The following GPC5 variants were observed in gnomAD, a reference collection of about 807,000 sequenced individuals.
GPC5 encodes the protein glypican 5.
Under a neutral mutation model 53.9 loss-of-function variants are expected in GPC5, and 47 were observed. The observed-to-expected ratio is 0.87, with a 90% CI of 0.69 to 1.11. The LOEUF is 1.11. Among genes scored for constraint, GPC5 ranks in the 50% most tolerant of loss-of-function variants. The pLI is 0.00. For synonymous variants in GPC5, 286 were observed against 263.3 expected, an observed-to-expected ratio of 1.09 and a Z score of -0.84; for missense variants, 748 against 713.1, an observed-to-expected ratio of 1.05 and a Z score of -0.56.
At chr13:92,753,711 A>T (rs1032114018) in intron 7 of GPC5, among the ~76,000 whole-genome samples, 6 of 152,216 alleles carry the variant, frequency 3.9e-5, no homozygotes, top group African/African-American at 1.4e-4. Context: ...GATGCGATCA[A>T]CTGGAAGAAA....
chr13:92,503,426 T>A (rs1440117818), intron 7 of GPC5, among the ~76,000 whole-genome samples: 1 of 151,734 alleles, frequency 6.6e-6, no homozygotes, highest in Admixed American at 6.6e-5. Flanking sequence ...TAGCAGTTAA[T>A]GCTTACACAA....
In GPC5 at chr13:91,548,370, C is replaced by T. The variant is rs183681916; in HGVS notation, c.325+99448C>T. Among the ~76,000 whole-genome samples, 26 of 152,166 alleles carry T rather than the reference C, an allele frequency of 1.7e-4. No individual in the cohort carries two copies. In the East Asian group the frequency reaches 3.9e-3, roughly 23 times the overall value. On this transcript the variant is annotated intron_variant, in intron 2 of 7. Transcript: ENST00000377067. ...AAAAGCACAATACCATTTAAATCAG[C>T]ACCAAAAGTGAAATACTTAGATAAA...
At chr13:91,817,192 T>G (rs1008561685) in intron 5 of GPC5, among the ~76,000 whole-genome samples, 1 of 152,186 alleles carries the variant, frequency 6.6e-6, no homozygotes, top group African/African-American at 2.4e-5. Context: ...TCTTGACATA[T>G]TGTTCTATCT....
intron 7 of GPC5, among the ~76,000 whole-genome samples, chr13:92,744,555 CAG>C (rs552285675): frequency 1.2e-4 from 18 of 149,438 alleles, no homozygotes; most frequent in Admixed American, 3.3e-4. Context: ...ACAAAGGTAT[CAG>C]GAGCACACAG....
At chr13:92,402,077 A>G (rs772930303) in intron 7 of GPC5, among the ~76,000 whole-genome samples, 1 of 152,142 alleles carries the variant, frequency 6.6e-6, no homozygotes, top group African/African-American at 2.4e-5. Context: ...TCCCGGAAAA[A>G]GGAATTACAC....
chr13:91,844,869 G>A (rs112352701), intron 5 of GPC5, among the ~76,000 whole-genome samples: 4,408 of 152,000 alleles, frequency 0.029, 193 homozygotes, highest in African/African-American at 0.095. Flanking sequence ...GGGATTACAG[G>A]TGCCCGCCAC....
At chr13:92,642,739 A>G (rs559122323) in intron 7 of GPC5, among the ~76,000 whole-genome samples, 1 of 152,294 alleles carries the variant, frequency 6.6e-6, no homozygotes, top group East Asian at 1.9e-4. Flanking sequence ...TGGGAGAAAT[A>G]TGTTATTGTT....
intron 7 of GPC5, among the ~76,000 whole-genome samples, chr13:92,462,864 G>A (rs914514313): frequency 6.6e-6 from 1 of 151,936 alleles, no homozygotes; most frequent in African/African-American, 2.4e-5. Flanking sequence ...TTACAGGCAT[G>A]TGCCACCACA....
chr13:91,956,553 A>G (rs932755034), intron 6 of GPC5, among the ~76,000 whole-genome samples: 1 of 151,922 alleles, frequency 6.6e-6, no homozygotes, highest in African/African-American at 2.4e-5. Context: ...AACTGTATAC[A>G]CCATCCTGGA....
At chr13:92,095,683 C>T (rs1470095802) in intron 6 of GPC5, among the ~76,000 whole-genome samples, 4 of 152,010 alleles carry the variant, frequency 2.6e-5, no homozygotes, top group African/African-American at 4.8e-5. Flanking sequence ...TATAGGCGTG[C>T]GCCACCATGC....
chr13:92,475,205 G>A (rs1236070089), intron 7 of GPC5, among the ~76,000 whole-genome samples: 1 of 150,452 alleles, frequency 6.6e-6, no homozygotes, highest in East Asian at 2.0e-4. Flanking sequence ...GGTTCCATAT[G>A]AACTTTAAAG....
intron 2 of GPC5, among the ~76,000 whole-genome samples, chr13:91,661,939 C>T (rs554639779): frequency 5.4e-4 from 82 of 152,278 alleles, no homozygotes; most frequent in South Asian, 4.1e-4. Flanking sequence ...TGAACTGGCA[C>T]GGTCTTATGT....
At chr13:91,657,826 A>T (rs1308783820) in intron 2 of GPC5, among the ~76,000 whole-genome samples, 1 of 152,146 alleles carries the variant, frequency 6.6e-6, no homozygotes, top group African/African-American at 2.4e-5. Flanking sequence ...CAATATAGAA[A>T]GACTCAGTTA....
chr13:91,902,559 A>C (rs540989692), intron 5 of GPC5, among the ~76,000 whole-genome samples: 21 of 152,162 alleles, frequency 1.4e-4, no homozygotes, highest in African/African-American at 4.8e-4. Flanking sequence ...CTGCCTGTCT[A>C]TATTTTTTGG....
intron 7 of GPC5, among the ~76,000 whole-genome samples, chr13:92,782,373 A>G (rs1217928131): frequency 6.6e-6 from 1 of 152,206 alleles, no homozygotes; most frequent in Admixed American, 6.5e-5. Context: ...ACATAGGCAA[A>G]CAAGGTCACT....
intron 6 of GPC5, among the ~76,000 whole-genome samples, chr13:92,044,340 T>G (rs1449700449): frequency 6.6e-6 from 1 of 152,176 alleles, no homozygotes; most frequent in Non-Finnish European, 1.5e-5. Flanking sequence ...GGCCCTAAGC[T>G]GAGCTTCTAG....
intron 5 of GPC5, among the ~76,000 whole-genome samples, chr13:91,849,004 G>A (rs1011996170): frequency 4.6e-5 from 7 of 152,106 alleles, no homozygotes; most frequent in Non-Finnish European, 1.0e-4. Context: ...ATTTTTTAGA[G>A]GTGAGAGGGC....
intron 7 of GPC5, among the ~76,000 whole-genome samples, chr13:92,263,456 T>A (rs941282822): frequency 5.9e-5 from 9 of 152,162 alleles, no homozygotes; most frequent in Non-Finnish European, 1.2e-4. Context: ...TTTATTTGTA[T>A]CACTTTTCCT....
chr13:92,750,142 T>A (rs1380790932), intron 7 of GPC5, among the ~76,000 whole-genome samples: 2 of 152,164 alleles, frequency 1.3e-5, no homozygotes, highest in African/African-American at 4.8e-5. Context: ...ATATTTAATA[T>A]TTTAAGCCTA....
Sources: allele counts gnomAD v4.1 joint callset (sites outside exome capture counted in the v4.1 genomes callset), GRCh38; gene constraint gnomAD v4.1.1; transcripts MANE v1.5; gene names NCBI Gene and HGNC (gene_info 2026-07-23, HGNC 2026-07-21).